Variants in PABPC4L observed in about 807,000 individuals in gnomAD.
PABPC4L encodes poly(A) binding protein cytoplasmic 4 like, also known as polyadenylate-binding protein 4-like.
For synonymous variants in PABPC4L, 169 were observed against 164.1 expected, an observed-to-expected ratio of 1.03 and a Z score of -0.23; for missense variants, 452 against 451.4, an observed-to-expected ratio of 1.00 and a Z score of -0.01.
chr4:134,092,697 A>G, the PABPC4L span, among the ~76,000 whole-genome samples: 1 of 151,762 alleles, frequency 6.6e-6, no homozygotes, highest in Non-Finnish European at 1.5e-5. Flanking sequence ...ATTTAAGGGC[A>G]CTCACCCCAG....
At chr4:134,058,922 G>A in the PABPC4L span, among the ~76,000 whole-genome samples, 4 of 151,888 alleles carry the variant, frequency 2.6e-5, no homozygotes, top group South Asian at 2.1e-4. Context: ...TGATTTAGAC[G>A]AGCAGTGAAC....
the PABPC4L span, among the ~76,000 whole-genome samples, chr4:133,972,286 G>T: frequency 6.6e-6 from 1 of 152,144 alleles, no homozygotes; most frequent in African/African-American, 2.4e-5. Context: ...CTAGTTGCTA[G>T]TCCAGAACCC....
the PABPC4L span, among the ~76,000 whole-genome samples, chr4:134,172,242 C>T: frequency 1.3e-5 from 2 of 152,172 alleles, no homozygotes; most frequent in Non-Finnish European, 2.9e-5. Flanking sequence ...AAGTTGGAGA[C>T]AGCACGTCAC....
chr4:134,101,787 C>A, the PABPC4L span, among the ~76,000 whole-genome samples: 2 of 151,372 alleles, frequency 1.3e-5, no homozygotes, highest in South Asian at 2.1e-4. Flanking sequence ...AAGCATGAGA[C>A]AAGGCCATAC....
At chr4:134,091,032 T>C in the PABPC4L span, among the ~76,000 whole-genome samples, 6 of 152,114 alleles carry the variant, frequency 3.9e-5, no homozygotes, top group South Asian at 2.1e-4. Flanking sequence ...TGTGCAGTGA[T>C]ATAAGAAAAA....
chr4:134,157,895 T>C, the PABPC4L span, among the ~76,000 whole-genome samples: 1 of 151,850 alleles, frequency 6.6e-6, no homozygotes, highest in Non-Finnish European at 1.5e-5. Flanking sequence ...TGGCCTCCAT[T>C]CTCTTATATT....
the PABPC4L span, among the ~76,000 whole-genome samples, chr4:134,060,385 C>T: frequency 6.6e-6 from 1 of 151,626 alleles, no homozygotes. Flanking sequence ...GCACTTGTGC[C>T]AACACTCCCT....
At chr4:134,087,610 C>T in the PABPC4L span, among the ~76,000 whole-genome samples, 1 of 152,146 alleles carries the variant, frequency 6.6e-6, no homozygotes, top group Non-Finnish European at 1.5e-5. Context: ...AGCCCACCTG[C>T]ACTGGCAATG....
chr4:134,052,640 C>A, the PABPC4L span, among the ~76,000 whole-genome samples: 23 of 151,712 alleles, frequency 1.5e-4, no homozygotes, highest in Admixed American at 9.9e-4. Flanking sequence ...AATGTGACCA[C>A]CAATCCTGTG....
At chr4:134,158,721 G>A in the PABPC4L span, among the ~76,000 whole-genome samples, 1 of 152,090 alleles carries the variant, frequency 6.6e-6, no homozygotes, top group African/African-American at 2.4e-5. Context: ...ATCTACTGTA[G>A]GTTGATTTTA....
At chr4:134,058,154 C>T in the PABPC4L span, among the ~76,000 whole-genome samples, 1 of 151,302 alleles carries the variant, frequency 6.6e-6, no homozygotes, top group Non-Finnish European at 1.5e-5. Context: ...ACTAATTAGC[C>T]AATTGTGAAA....
At chr4:134,064,602 T>C in the PABPC4L span, among the ~76,000 whole-genome samples, 8 of 152,096 alleles carry the variant, frequency 5.3e-5, no homozygotes, top group African/African-American at 1.7e-4. Flanking sequence ...TTGTTTATTA[T>C]TCTAACTTTT....
At chr4:134,000,276 G>A in the PABPC4L span, among the ~76,000 whole-genome samples, 1 of 152,064 alleles carries the variant, frequency 6.6e-6, no homozygotes, top group East Asian at 1.9e-4. Flanking sequence ...GATGACAAAA[G>A]CAATGATTCG....
chr4:134,131,714 C>CA, the PABPC4L span, among the ~76,000 whole-genome samples: 935 of 10,672 alleles, frequency 0.088, 339 homozygotes, highest in East Asian at 0.33. Context: ...CCTGTGAAAC[C>CA]AAAAAAAAAA....
At chr4:134,029,569 T>C in the PABPC4L span, among the ~76,000 whole-genome samples, 1 of 152,054 alleles carries the variant, frequency 6.6e-6, no homozygotes, top group East Asian at 1.9e-4. Context: ...CTTAGCTAGA[T>C]ATACAGAATA....
the PABPC4L span, among the ~76,000 whole-genome samples, chr4:133,975,876 G>A: frequency 1.3e-5 from 2 of 152,138 alleles, no homozygotes; most frequent in East Asian, 3.8e-4. Context: ...CATTTGTAAT[G>A]AGAAAGCCCA....
At chr4:134,047,811 G>T in the PABPC4L span, among the ~76,000 whole-genome samples, 172 of 147,394 alleles carry the variant, frequency 1.2e-3, 1 homozygote, top group Non-Finnish European at 1.4e-3. Context: ...CTGCACCAGG[G>T]TTTTTTTTTT....
the PABPC4L span, among the ~76,000 whole-genome samples, chr4:134,188,525 G>A: frequency 6.6e-6 from 1 of 151,960 alleles, no homozygotes; most frequent in African/African-American, 2.4e-5. Context: ...TTTGGTTTGA[G>A]GAAGTTTTCA....
chr4:134,128,483 G>C, the PABPC4L span, among the ~76,000 whole-genome samples: 2 of 152,134 alleles, frequency 1.3e-5, no homozygotes, highest in Non-Finnish European at 2.9e-5. Flanking sequence ...GACTAGAAGA[G>C]ACTGGGGTCC....
Sources: allele counts gnomAD v4.1 joint callset (sites outside exome capture counted in the v4.1 genomes callset), GRCh38; gene constraint gnomAD v4.1.1; transcripts MANE v1.5; gene names NCBI Gene and HGNC (gene_info 2026-07-23, HGNC 2026-07-21).